PDE3B: variants seen among roughly 807,000 people sequenced by gnomAD.
The protein encoded by PDE3B is phosphodiesterase 3B, also known as cGMP-inhibited 3',5'-cyclic phosphodiesterase 3B.
A neutral mutation model predicts 116.8 loss-of-function variants in PDE3B; 66 were observed. That is an observed-to-expected ratio of 0.56 (90% CI 0.46 to 0.69). The LOEUF (loss-of-function observed/expected upper bound fraction) is 0.69. Ranked by LOEUF, PDE3B falls within the 30% of genes least tolerant of loss-of-function variation. The probability of loss-of-function intolerance (pLI) is 0.00; values close to 1 mark genes in which losing one functional copy is unlikely to be tolerated. For missense variants in PDE3B, 1,384 were observed against 1,368.1 expected (o/e 1.01, Z -0.18); for synonymous variants, 595 against 533.6 (o/e 1.12, Z -1.59).
rs554348651 is a variant in PDE3B at position 14,831,476 on chromosome 11, G to A, written c.1957-164G>A. ...TTTAGTTTTTGAAGATAACATTCTA[G>A]AAAGAGAAATTAGAAGGGCAGATAA... On this transcript the variant is annotated intron_variant, in intron 8 of 15. Coordinates refer to ENST00000282096, the MANE Select transcript of PDE3B (RefSeq NM_000922.4). Among the ~76,000 whole-genome samples, 5 of 151,950 alleles carry A rather than the reference G, an allele frequency of 3.3e-5. 1 individual carries two copies. The South Asian group carries it at 1.0e-3, about 32-fold the overall frequency.
the PDE3B span, among the ~76,000 whole-genome samples, chr11:14,884,082 G>A: frequency 6.6e-6 from 1 of 152,036 alleles, no homozygotes; most frequent in Non-Finnish European, 1.5e-5. Flanking sequence ...CACTGTTGGT[G>A]GGACTGTAAA....
the PDE3B span, among the ~76,000 whole-genome samples, chr11:14,895,086 C>A: frequency 6.6e-6 from 1 of 152,224 alleles, no homozygotes; most frequent in South Asian, 2.1e-4. Context: ...CTCCAGGGCT[C>A]ATCCTGAGGG....
At chr11:14,714,385 C>A (rs1311621502) in intron 1 of PDE3B, among the ~76,000 whole-genome samples, 1 of 151,634 alleles carries the variant, frequency 6.6e-6, no homozygotes, top group Admixed American at 6.6e-5. Flanking sequence ...CTTTGAAATT[C>A]ATGTTTTTAG....
At chr11:14,803,201 C>A (rs199714904) in intron 4 of PDE3B, among the ~76,000 whole-genome samples, 17,450 of 152,160 alleles carry the variant, frequency 0.11, 1,306 homozygotes, top group African/African-American at 0.22. Flanking sequence ...GTCCCAAAAT[C>A]ACATTCCTTT....
chr11:14,780,573 A>G (rs1263446463), intron 2 of PDE3B, among the ~76,000 whole-genome samples: 3 of 152,190 alleles, frequency 2.0e-5, no homozygotes, highest in Non-Finnish European at 4.4e-5. Flanking sequence ...CTAATGGGTA[A>G]ATAACAAAAT....
intron 12 of PDE3B, among the ~76,000 whole-genome samples, chr11:14,849,023 C>A (rs557055099): frequency 1.2e-4 from 18 of 152,032 alleles, no homozygotes; most frequent in African/African-American, 4.1e-4. Context: ...GAGCCTGCAT[C>A]GCCAAGTCAA....
intron 1 of PDE3B, among the ~76,000 whole-genome samples, chr11:14,661,225 T>G (rs2133761985): frequency 6.6e-6 from 1 of 152,340 alleles, no homozygotes; most frequent in Non-Finnish European, 1.5e-5. Context: ...CACACATATG[T>G]TTATTGTGGC....
intron 1 of PDE3B, among the ~76,000 whole-genome samples, chr11:14,695,114 G>A (rs1009508847): frequency 1.8e-4 from 27 of 151,904 alleles, no homozygotes; most frequent in Non-Finnish European, 2.9e-4. Context: ...TTGTTTTCTC[G>A]TTTTTCAATT....
intron 1 of PDE3B, among the ~76,000 whole-genome samples, chr11:14,695,973 A>G (rs1229547151): frequency 6.6e-6 from 1 of 152,124 alleles, no homozygotes; most frequent in East Asian, 1.9e-4. Flanking sequence ...TGCAGTGAAC[A>G]TATGTGTGCA....
intron 1 of PDE3B, among the ~76,000 whole-genome samples, chr11:14,649,640 T>G (rs936748367): frequency 1.2e-4 from 19 of 152,242 alleles, no homozygotes; most frequent in African/African-American, 4.3e-4. Context: ...GAGAGTCAGT[T>G]AAGAGGGACT....
At chr11:14,897,412 G>A in the PDE3B span, among the ~76,000 whole-genome samples, 13 of 152,162 alleles carry the variant, frequency 8.5e-5, no homozygotes, top group Non-Finnish European at 1.5e-4. Context: ...AACAAGAAGA[G>A]AGTGATCTGG....
the PDE3B span, among the ~76,000 whole-genome samples, chr11:14,892,625 G>A: frequency 6.6e-6 from 1 of 152,194 alleles, no homozygotes; most frequent in Non-Finnish European, 1.5e-5. Context: ...AAACTGGAGA[G>A]ATGATCAACA....
intron 1 of PDE3B, among the ~76,000 whole-genome samples, chr11:14,662,577 G>T: frequency 6.6e-6 from 1 of 152,124 alleles, no homozygotes; most frequent in Non-Finnish European, 1.5e-5. Flanking sequence ...TTAGACGAAT[G>T]TATAACTAGA....
chr11:14,894,320 G>A, the PDE3B span, among the ~76,000 whole-genome samples: 2 of 152,136 alleles, frequency 1.3e-5, no homozygotes, highest in East Asian at 3.8e-4. Context: ...TGGATATTGG[G>A]ACTGTGGGTG....
chr11:14,791,919 A>G lies in PDE3B; in HGVS notation c.1415+2677A>G, dbSNP rs142482310. ...TTATTTATAATACCTAAGGCAATGT[A>G]AATGCTATGTAAAGAGTTGTTATAC... On this transcript the variant is annotated intron_variant, in intron 4 of 15. Coordinates refer to ENST00000282096, the MANE Select transcript of PDE3B (RefSeq NM_000922.4). Among the ~76,000 whole-genome samples the G allele has an allele frequency of 2.0e-3, 308 of 152,292 alleles. 1 individual carries two copies. The highest frequency in any genetic ancestry group is 3.4e-3 in the Non-Finnish European group (233 of 68,004).
rs879526648 is a variant in PDE3B at position 14,688,083 on chromosome 11, TTTTC to T, written c.978+43044_978+43047del. 1.5e-3 allele frequency among the ~76,000 whole-genome samples: 233 copies of T among 150,324 alleles called. 2 individuals carry two copies. Among genetic ancestry groups the T allele is most frequent in the South Asian group, 0.015 (72 of 4,714 alleles). ...AAAATTGAATTAAAATTTTCTTTCT[TTTTC>T]TTTCTTTCTTTCTCTCTCTCTCTCT... On this transcript the variant is annotated intron_variant, in intron 1 of 15. Transcript: ENST00000282096.
At chr11:14,734,380 TG>T (rs1856542727) in intron 1 of PDE3B, among the ~76,000 whole-genome samples, 1 of 152,230 alleles carries the variant, frequency 6.6e-6, no homozygotes, top group East Asian at 1.9e-4. Context: ...CAATTTTATG[TG>T]TTGATAACAA....
At chr11:14,881,834 T>G in the PDE3B span, among the ~76,000 whole-genome samples, 1 of 151,732 alleles carries the variant, frequency 6.6e-6, no homozygotes, top group Non-Finnish European at 1.5e-5. Context: ...CTATAAAGTG[T>G]GCAGAACCAT....
chr11:14,673,604 C>T lies in PDE3B; in HGVS notation c.978+28551C>T, dbSNP rs1410250145. 6 of 623,376 alleles carry T rather than the reference C, an allele frequency of 9.6e-6. No individual in the cohort carries two copies. In the East Asian group the frequency reaches 1.8e-4, roughly 19 times the overall value. 38.6% of individuals were successfully genotyped at this position (623,376 alleles called of 1,614,324 possible). On this transcript the variant is annotated intron_variant, in intron 1 of 15. Transcript: ENST00000282096. ...CTCTCACATGGCTCTCAGGACGGTT[C>T]TCAGGAGGAGCCACTTCATAATCTC...
Sources: gnomAD v4.1 joint callset for allele counts (sites outside exome capture counted in the v4.1 genomes callset) on GRCh38, gnomAD v4.1.1 for gene constraint, MANE v1.5 for transcripts, NCBI Gene and HGNC (gene_info 2026-07-23, HGNC 2026-07-21) for gene names.